Variants in GRIP1 observed in about 807,000 individuals in gnomAD.
The protein encoded by GRIP1 is glutamate receptor interacting protein 1.
GRIP1 carries 45 observed loss-of-function variants against 129.9 expected under a neutral mutation model. The observed-to-expected ratio is 0.35, with a 90% confidence interval of 0.27 to 0.44. GRIP1 has a LOEUF of 0.44. GRIP1 is among the 20% of genes least tolerant of loss of function. The pLI is 1.00. For missense variants in GRIP1, 1,196 were observed against 1,396.8 expected, an observed-to-expected ratio of 0.86 and a Z score of 2.29; for synonymous variants, 530 against 520.8, an observed-to-expected ratio of 1.02 and a Z score of -0.24.
At chr12:66,696,674 G>T (rs1041695929) in intron 1 of GRIP1, among the ~76,000 whole-genome samples, 1 of 151,678 alleles carries the variant, frequency 6.6e-6, no homozygotes, top group Admixed American at 6.6e-5. Flanking sequence ...GCATGGTGGC[G>T]GGCACCTGTA....
intron 1 of GRIP1, among the ~76,000 whole-genome samples, chr12:66,954,453 T>C (rs2041808422): frequency 6.6e-6 from 1 of 152,208 alleles, no homozygotes. Flanking sequence ...TGTCTGGTTG[T>C]GGCCAAGTGT....
At chr12:66,727,546 GA>G (rs1439769114) in intron 1 of GRIP1, among the ~76,000 whole-genome samples, 1 of 152,188 alleles carries the variant, frequency 6.6e-6, no homozygotes, top group Non-Finnish European at 1.5e-5. Context: ...CCAGAGATGA[GA>G]AAAACAAATG....
chr12:67,031,279 T>C (rs923487123), intron 1 of GRIP1, among the ~76,000 whole-genome samples: 1 of 152,170 alleles, frequency 6.6e-6, no homozygotes, highest in African/African-American at 2.4e-5. Context: ...GTAGAAGCCT[T>C]CTCAAAGCAA....
At chr12:66,403,500 T>C (rs761602013) in intron 16 of GRIP1, among the ~76,000 whole-genome samples, 2 of 152,236 alleles carry the variant, frequency 1.3e-5, no homozygotes, top group Non-Finnish European at 1.5e-5. Context: ...TAGGATCATA[T>C]AAATTCTTCC....
chr12:66,401,884 T>G (rs2057014968), intron 16 of GRIP1, among the ~76,000 whole-genome samples: 1 of 152,128 alleles, frequency 6.6e-6, no homozygotes, highest in African/African-American at 2.4e-5. Flanking sequence ...AGCGCTTTCA[T>G]CAAGTGATTA....
At chr12:66,934,869 CACCAGA>C (rs2041459371) in intron 1 of GRIP1, among the ~76,000 whole-genome samples, 2 of 152,182 alleles carry the variant, frequency 1.3e-5, no homozygotes, top group Admixed American at 6.5e-5. Context: ...GCCCAGGAGA[CACCAGA>C]AAGAACTTCA....
At chr12:67,022,301 T>C (rs2042879130) in intron 1 of GRIP1, among the ~76,000 whole-genome samples, 1 of 152,240 alleles carries the variant, frequency 6.6e-6, no homozygotes, top group African/African-American at 2.4e-5. Context: ...TTACATCCTA[T>C]CAACAGTTAC....
chr12:66,718,490 T>C lies in GRIP1; in HGVS notation c.-420+85563A>G, dbSNP rs182822402. On this transcript the variant is annotated intron_variant, in intron 1 of 4. Transcript: ENST00000538373. ...AGAACATAGGTATTTCCATGATCAA[T>C]TAAGTTTGAGAAGCAGTTGGATAAC... Among the ~76,000 whole-genome samples the C allele has an allele frequency of 1.3e-3, 195 of 152,272 alleles. 1 individual carries two copies. Among genetic ancestry groups the C allele is most frequent in the African/African-American group, 4.6e-3 (191 of 41,558 alleles).
chr12:67,049,910 TA>T lies in GRIP1; in HGVS notation c.58+19139del, dbSNP rs140624900. 5.9e-3 allele frequency among the ~76,000 whole-genome samples: 885 copies of T among 150,186 alleles called. 6 individuals are homozygous for T. The highest frequency in any genetic ancestry group is 0.018 in the African/African-American group (744 of 40,882). ...ATTTGTCAAATTAATAAATAATTGG[TA>T]AAAAAAAGTTGTTTTGTTTTAATTG... On this transcript the variant is annotated intron_variant, in intron 1 of 1. Coordinates refer to the GRIP1 transcript ENST00000643019.
At chr12:66,510,186 G>A (rs1346321349) in intron 7 of GRIP1, among the ~76,000 whole-genome samples, 1 of 152,090 alleles carries the variant, frequency 6.6e-6, no homozygotes, top group Admixed American at 6.5e-5. Flanking sequence ...TCTGAGGGTG[G>A]TAGTGTAATT....
intron 2 of GRIP1, among the ~76,000 whole-genome samples, chr12:66,579,126 C>T (rs1234976586): frequency 1.3e-5 from 2 of 152,148 alleles, no homozygotes; most frequent in East Asian, 3.8e-4. Context: ...CTGCAGACAC[C>T]GCTGCTGATA....
chr12:66,975,708 G>C (rs1173197045), intron 1 of GRIP1, among the ~76,000 whole-genome samples: 1 of 152,156 alleles, frequency 6.6e-6, no homozygotes, highest in Non-Finnish European at 1.5e-5. Context: ...AAAATACAGA[G>C]ACCAGTTAGG....
At chr12:66,726,518 A>G (rs1040457391) in intron 1 of GRIP1, among the ~76,000 whole-genome samples, 1 of 152,140 alleles carries the variant, frequency 6.6e-6, no homozygotes, top group African/African-American at 2.4e-5. Context: ...CAAAAAACAA[A>G]CAACTTTAAT....
chr12:66,767,228 G>A (rs1301062319), intron 1 of GRIP1, among the ~76,000 whole-genome samples: 1 of 152,036 alleles, frequency 6.6e-6, no homozygotes, highest in East Asian at 1.9e-4. Flanking sequence ...TTGCCACGAA[G>A]AAGCACCTTC....
chr12:67,003,711 T>G (rs1237174998), intron 1 of GRIP1, among the ~76,000 whole-genome samples: 1 of 151,316 alleles, frequency 6.6e-6, no homozygotes, highest in Non-Finnish European at 1.5e-5. Flanking sequence ...AATGAATAAA[T>G]AAATAAAAAT....
intron 1 of GRIP1, among the ~76,000 whole-genome samples, chr12:66,931,553 C>G (rs551515390): frequency 6.6e-6 from 1 of 152,288 alleles, no homozygotes; most frequent in South Asian, 2.1e-4. Flanking sequence ...TCTACATGCA[C>G]TATTTAAATC....
intron 9 of GRIP1, among the ~76,000 whole-genome samples, chr12:66,458,308 T>C (rs2059027831): frequency 6.6e-6 from 1 of 152,240 alleles, no homozygotes; most frequent in Non-Finnish European, 1.5e-5. Context: ...ATCTCCTGCA[T>C]ACCTACCTTC....
At chr12:67,066,382 G>T (rs542009593) in intron 1 of GRIP1, among the ~76,000 whole-genome samples, 4 of 152,224 alleles carry the variant, frequency 2.6e-5, no homozygotes, top group African/African-American at 9.6e-5. Context: ...CTAGCATCTT[G>T]TATTAATTTG....
At chr12:66,814,575 T>C (rs1389851764) in intron 1 of GRIP1, among the ~76,000 whole-genome samples, 2 of 141,064 alleles carry the variant, frequency 1.4e-5, no homozygotes, top group African/African-American at 2.7e-5. Flanking sequence ...CTGCACTAAG[T>C]ACTAGTGATA....
Sources: gnomAD v4.1 joint callset for allele counts (sites outside exome capture counted in the v4.1 genomes callset) on GRCh38, gnomAD v4.1.1 for gene constraint, MANE v1.5 for transcripts, NCBI Gene and HGNC (gene_info 2026-07-23, HGNC 2026-07-21) for gene names.